RBFOX1: variants seen among roughly 807,000 people sequenced by gnomAD.
RBFOX1 encodes RNA binding protein fox-1 homolog 1.
RBFOX1 carries 8 observed loss-of-function variants against 57.7 expected under a neutral mutation model. The ratio of observed to expected loss-of-function variants is 0.14; its 90% confidence interval spans 0.08 to 0.25. The LOEUF is 0.25. RBFOX1 is among the 10% of genes least tolerant of loss of function. The pLI is 1.00. For synonymous variants in RBFOX1, 326 were observed against 222.4 expected (o/e 1.47, Z -4.15); for missense variants, 611 against 548.5 (o/e 1.11, Z -1.14).
chr16:5,625,265 G>T (rs534714940), intron 3 of RBFOX1, among the ~76,000 whole-genome samples: 10 of 152,180 alleles, frequency 6.6e-5, no homozygotes, highest in African/African-American at 2.2e-4. Context: ...GGCGTGGTAG[G>T]GGCGTAGGAA....
intron 3 of RBFOX1, among the ~76,000 whole-genome samples, chr16:6,928,264 A>G (rs776107285): frequency 2.6e-5 from 4 of 152,186 alleles, no homozygotes; most frequent in Non-Finnish European, 4.4e-5. Flanking sequence ...GGGCATCCAG[A>G]TTTTTAAAAG....
chr16:6,673,698 C>T (rs188276869), intron 3 of RBFOX1, among the ~76,000 whole-genome samples: 87 of 152,204 alleles, frequency 5.7e-4, no homozygotes, highest in Non-Finnish European at 1.1e-3. Context: ...GTTCTGTGAC[C>T]CATGTGCCTG....
At chr16:6,242,023 T>C (rs2097542514) in intron 1 of RBFOX1, among the ~76,000 whole-genome samples, 1 of 152,184 alleles carries the variant, frequency 6.6e-6, no homozygotes, top group Admixed American at 6.5e-5. Flanking sequence ...GTTAAAAAAA[T>C]AAGAATTTCA....
intron 4 of RBFOX1, among the ~76,000 whole-genome samples, chr16:7,415,950 A>G (rs2098473735): frequency 6.6e-6 from 1 of 152,122 alleles, no homozygotes; most frequent in African/African-American, 2.4e-5. Context: ...TTAGGAGAAA[A>G]AAAAATCAAG....
intron 1 of RBFOX1, among the ~76,000 whole-genome samples, chr16:5,362,007 A>G (rs898955068): frequency 1.3e-5 from 2 of 152,212 alleles, no homozygotes; most frequent in African/African-American, 4.8e-5. Flanking sequence ...TGATTTTGAG[A>G]TATTAATTGT....
At chr16:7,361,070 C>G (rs1054885479) in intron 4 of RBFOX1, among the ~76,000 whole-genome samples, 4 of 152,172 alleles carry the variant, frequency 2.6e-5, no homozygotes, top group African/African-American at 4.8e-5. Flanking sequence ...TAAACTCTGC[C>G]TGCTGGGGGT....
intron 4 of RBFOX1, among the ~76,000 whole-genome samples, chr16:7,400,490 C>G (rs2098222796): frequency 6.6e-6 from 1 of 152,094 alleles, no homozygotes; most frequent in Non-Finnish European, 1.5e-5. Flanking sequence ...ATAGTGAAAG[C>G]TACCTTGGCC....
At chr16:6,809,621 C>T (rs999719948) in intron 3 of RBFOX1, among the ~76,000 whole-genome samples, 6 of 152,058 alleles carry the variant, frequency 3.9e-5, no homozygotes, top group Non-Finnish European at 5.9e-5. Context: ...CTACCCCATC[C>T]GAAGTCCATA....
At chr16:5,336,248 G>T (rs2064892835) in intron 1 of RBFOX1, among the ~76,000 whole-genome samples, 2 of 152,104 alleles carry the variant, frequency 1.3e-5, no homozygotes, top group Non-Finnish European at 2.9e-5. Flanking sequence ...CCTAGAAACG[G>T]GCACATATTA....
intron 3 of RBFOX1, among the ~76,000 whole-genome samples, chr16:5,662,489 T>C (rs1235051689): frequency 6.6e-6 from 1 of 152,172 alleles, no homozygotes; most frequent in African/African-American, 2.4e-5. Context: ...AACATGCCCA[T>C]AGCATCAGAG....
At chr16:5,506,683 G>C (rs1276605780) in intron 2 of RBFOX1, among the ~76,000 whole-genome samples, 1 of 152,132 alleles carries the variant, frequency 6.6e-6, no homozygotes, top group Non-Finnish European at 1.5e-5. Flanking sequence ...TGACGCCACA[G>C]AGAAGGGAGT....
chr16:6,653,732 GGATA>G (rs922113967), intron 2 of RBFOX1, among the ~76,000 whole-genome samples: 2 of 151,770 alleles, frequency 1.3e-5, no homozygotes, highest in Admixed American at 6.6e-5. Context: ...GATAGAGGAT[GGATA>G]GATGGATGGA....
chr16:6,011,836 TATC>T (rs1162626705), intron 4 of RBFOX1, among the ~76,000 whole-genome samples: 37 of 152,176 alleles, frequency 2.4e-4, no homozygotes, highest in Admixed American at 2.4e-3. Flanking sequence ...AGGTCTGGGT[TATC>T]ATGGACAGTG....
chr16:5,824,782 G>A (rs1174712389), intron 3 of RBFOX1, among the ~76,000 whole-genome samples: 1 of 152,198 alleles, frequency 6.6e-6, no homozygotes, highest in Non-Finnish European at 1.5e-5. Flanking sequence ...TGGCTTCAGA[G>A]GTCTTAGCAA....
intron 2 of RBFOX1, among the ~76,000 whole-genome samples, chr16:6,370,952 C>T (rs2090347132): frequency 6.6e-6 from 1 of 152,148 alleles, no homozygotes; most frequent in Non-Finnish European, 1.5e-5. Context: ...GTGGATGACC[C>T]TCAATTTGGG....
intron 1 of RBFOX1, among the ~76,000 whole-genome samples, chr16:6,083,433 T>C (rs1451069301): frequency 6.6e-6 from 1 of 152,188 alleles, no homozygotes; most frequent in Non-Finnish European, 1.5e-5. Flanking sequence ...TTCTTTCAAC[T>C]GCATATCATT....
At chr16:5,869,914 C>A (rs2057427209) in intron 4 of RBFOX1, among the ~76,000 whole-genome samples, 1 of 152,030 alleles carries the variant, frequency 6.6e-6, no homozygotes, top group African/African-American at 2.4e-5. Context: ...ACACTGGAAA[C>A]AAACCAAATG....
At chr16:5,491,566 C>A (rs780192094) in intron 2 of RBFOX1, among the ~76,000 whole-genome samples, 2 of 152,178 alleles carry the variant, frequency 1.3e-5, no homozygotes, top group African/African-American at 2.4e-5. Context: ...ATTCTTACAG[C>A]AATCAAAATA....
chr16:7,635,111 G>T (rs1016254531), intron 11 of RBFOX1, among the ~76,000 whole-genome samples: 1 of 152,106 alleles, frequency 6.6e-6, no homozygotes, highest in African/African-American at 2.4e-5. Flanking sequence ...TGCATATGGC[G>T]AATGCTCAAC....
Sources: gnomAD v4.1 joint callset for allele counts (sites outside exome capture counted in the v4.1 genomes callset) on GRCh38, gnomAD v4.1.1 for gene constraint, MANE v1.5 for transcripts, NCBI Gene and HGNC (gene_info 2026-07-23, HGNC 2026-07-21) for gene names.